Variants in SLC4A4 observed in about 807,000 individuals in gnomAD.
SLC4A4 encodes the protein electrogenic sodium bicarbonate cotransporter 1.
Under a neutral mutation model 111.5 loss-of-function variants are expected in SLC4A4, and 27 were observed. That is an observed-to-expected ratio of 0.24 (90% CI 0.18 to 0.33). SLC4A4 has a LOEUF of 0.33. SLC4A4 is among the 10% of genes least tolerant of loss of function. The probability of loss-of-function intolerance (pLI) is 1.00; values close to 1 mark genes in which losing one functional copy is unlikely to be tolerated. For missense variants in SLC4A4, 909 were observed against 1,315.5 expected, an observed-to-expected ratio of 0.69 and a Z score of 4.78; for synonymous variants, 443 against 463.4, an observed-to-expected ratio of 0.96 and a Z score of 0.57.
At chr4:71,299,642 A>T (rs1725064131) in intron 3 of SLC4A4, among the ~76,000 whole-genome samples, 1 of 152,220 alleles carries the variant, frequency 6.6e-6, no homozygotes, top group South Asian at 2.1e-4. Flanking sequence ...TTTCCAGAAC[A>T]AAGGCTTGAT....
chr4:71,537,421 A>C (rs1411748849), intron 18 of SLC4A4, among the ~76,000 whole-genome samples: 2 of 99,522 alleles, frequency 2.0e-5, no homozygotes, highest in Non-Finnish European at 3.9e-5. Context: ...GTGTGTATAT[A>C]TACATATATG....
At chr4:71,143,311 GTGTAT>G (rs1560741928) in intron 2 of SLC4A4, among the ~76,000 whole-genome samples, 1 of 152,004 alleles carries the variant, frequency 6.6e-6, no homozygotes, top group Non-Finnish European at 1.5e-5. Context: ...GTATTCCATG[GTGTAT>G]ATGTGCCACA....
At chr4:71,279,125 A>G (rs1256732837) in intron 3 of SLC4A4, among the ~76,000 whole-genome samples, 1 of 152,212 alleles carries the variant, frequency 6.6e-6, no homozygotes, top group Non-Finnish European at 1.5e-5. Flanking sequence ...TTTCAAGTAT[A>G]CAATAAATTA....
intron 20 of SLC4A4, among the ~76,000 whole-genome samples, chr4:71,554,527 G>A (rs73829829): frequency 7.5e-4 from 114 of 151,936 alleles, no homozygotes; most frequent in African/African-American, 2.6e-3. Context: ...TAAAAGATGT[G>A]TATTAATCCA....
chr4:71,421,313 C>G (rs1438956511), intron 7 of SLC4A4, among the ~76,000 whole-genome samples: 1 of 152,178 alleles, frequency 6.6e-6, no homozygotes, highest in Admixed American at 6.5e-5. Context: ...GCACCCAATA[C>G]AGGAGCACCC....
intron 1 of SLC4A4, among the ~76,000 whole-genome samples, chr4:71,207,992 T>C (rs1346847538): frequency 6.6e-6 from 1 of 152,164 alleles, no homozygotes; most frequent in South Asian, 2.1e-4. Flanking sequence ...TTAGTTTTTA[T>C]AGAGACAGGG....
intron 3 of SLC4A4, among the ~76,000 whole-genome samples, chr4:71,268,078 T>TTC (rs1302026464): frequency 2.1e-5 from 3 of 145,492 alleles, no homozygotes; most frequent in Non-Finnish European, 4.5e-5. Flanking sequence ...AAGTAGTGTT[T>TTC]TTTTTTTTTT....
At chr4:71,309,413 C>T (rs1442064998) in intron 3 of SLC4A4, among the ~76,000 whole-genome samples, 2 of 152,162 alleles carry the variant, frequency 1.3e-5, no homozygotes, top group Admixed American at 6.5e-5. Context: ...GGGTCCCTGA[C>T]CTGCATGCCT....
At chr4:71,421,272 A>G (rs926539463) in intron 7 of SLC4A4, among the ~76,000 whole-genome samples, 4 of 152,240 alleles carry the variant, frequency 2.6e-5, no homozygotes, top group Non-Finnish European at 4.4e-5. Context: ...GATTAATTCA[A>G]CAAGAAGAGC....
At chr4:71,327,081 G>A (rs1002656764) in intron 3 of SLC4A4, among the ~76,000 whole-genome samples, 1 of 151,992 alleles carries the variant, frequency 6.6e-6, no homozygotes, top group African/African-American at 2.4e-5. Flanking sequence ...ATGTAGACTT[G>A]TCATGCTCAG....
At chr4:71,239,990 A>C (rs1413789293) in intron 2 of SLC4A4, among the ~76,000 whole-genome samples, 1 of 152,202 alleles carries the variant, frequency 6.6e-6, no homozygotes, top group Non-Finnish European at 1.5e-5. Context: ...ATGACAAATT[A>C]ACATTACCAG....
At chr4:71,356,820 A>G (rs1469691010) in intron 5 of SLC4A4, among the ~76,000 whole-genome samples, 188 bp from the exon 6 acceptor site, 2 of 152,176 alleles carry the variant, frequency 1.3e-5, no homozygotes, top group Non-Finnish European at 2.9e-5. Context: ...TAATATTTGT[A>G]TCTCTCTCAT....
intron 5 of SLC4A4, among the ~76,000 whole-genome samples, chr4:71,355,493 A>C (rs999517833): frequency 4.6e-5 from 7 of 152,234 alleles, no homozygotes; most frequent in Middle Eastern, 3.4e-3. Context: ...AGAGCTAAAA[A>C]CCACTCTAAA....
intron 11 of SLC4A4, 67 bp downstream of exon 11, chr4:71,451,368 T>C: frequency 9.9e-7 from 1 of 1,010,426 alleles, no homozygotes; most frequent in Non-Finnish European, 1.6e-6. Context: ...CCTTCATCTA[T>C]CAACATATTA....
At chr4:71,507,974 T>C (rs1305052443) in intron 16 of SLC4A4, among the ~76,000 whole-genome samples, 1 of 152,192 alleles carries the variant, frequency 6.6e-6, no homozygotes, top group Admixed American at 6.5e-5. Context: ...AACAACTTGC[T>C]CCTGAATGAC....
chr4:71,472,622 T>C, intron 13 of SLC4A4, 77 bp from the exon 14 acceptor site: 1 of 1,444,626 alleles, frequency 6.9e-7, no homozygotes, highest in South Asian at 1.2e-5. Flanking sequence ...AATCTTTCTG[T>C]AGACATTTGG....
In SLC4A4 at chr4:71,547,708, T is replaced by C; in HGVS notation, c.2682T>C (p.Ala894=). ...TGACTGGTCTGTCAGTCTTTATGGC[T>C]CCCATCTTGAAGGTAAATATGTGAA... ...FILTGLSVFM[A]PILKFIPMPV... Residue 894 remains alanine (A), a synonymous_variant, in exon 20 of 26, where the codon GCT becomes GCC. Coordinates refer to ENST00000264485, the MANE Select transcript of SLC4A4 (RefSeq NM_001098484.3). 1.9e-6 allele frequency: 3 copies of C among 1,611,352 alleles called. No homozygotes were observed. Among genetic ancestry groups the C allele is most frequent in the Non-Finnish European group, 2.5e-6 (3 of 1,178,028 alleles).
intron 2 of SLC4A4, among the ~76,000 whole-genome samples, chr4:71,155,082 TGG>T (rs1024734852): frequency 6.7e-5 from 1 of 14,908 alleles, no homozygotes; most frequent in African/African-American, 2.0e-4. Context: ...ATTTGTATTA[TGG>T]GGTGTGTGTG....
intron 16 of SLC4A4, among the ~76,000 whole-genome samples, chr4:71,500,614 G>A (rs934508259): frequency 1.5e-4 from 23 of 152,180 alleles, no homozygotes; most frequent in South Asian, 4.1e-4. Context: ...GCCACCCTGC[G>A]TGGCCTTAAT....
Sources: gnomAD v4.1 joint callset for allele counts (sites outside exome capture counted in the v4.1 genomes callset) on GRCh38, gnomAD v4.1.1 for gene constraint, MANE v1.5 for transcripts, NCBI Gene and HGNC (gene_info 2026-07-23, HGNC 2026-07-21) for gene names.